The following CRYL1 variants were observed in gnomAD, a reference collection of about 807,000 sequenced individuals.
The protein encoded by CRYL1 is crystallin lambda 1.
In CRYL1, 29 loss-of-function variants were observed where a neutral mutation model predicts 36.6. That is an observed-to-expected ratio of 0.79 (90% confidence interval 0.59 to 1.08). The LOEUF is 1.08. Among genes scored for constraint, CRYL1 ranks in the 50% least tolerant of loss-of-function variants. The pLI, the probability that CRYL1 is intolerant of heterozygous loss-of-function variation, is 0.00. For missense variants in CRYL1, 411 were observed against 407.9 expected (o/e 1.01, Z -0.06); for synonymous variants, 152 against 151.5 (o/e 1.00, Z -0.02).
intron 3 of CRYL1, among the ~76,000 whole-genome samples, chr13:20,479,769 G>T (rs2033238808): frequency 6.6e-6 from 1 of 152,148 alleles, no homozygotes; most frequent in Admixed American, 6.5e-5. Flanking sequence ...AATATTTATA[G>T]ATAATATTTT....
At position 20,460,372 on chromosome 13, in the gene CRYL1, T is replaced by C. The variant is rs1214946099; in HGVS notation, c.277-20618A>G. Among the ~76,000 whole-genome samples the C allele has an allele frequency of 2.6e-5, 4 of 152,318 alleles. No homozygotes were observed. The East Asian group carries it at 5.8e-4, about 22-fold the overall frequency. ...CGATAGTTTATTTTTCAATTACTAA[T>C]TGCCAAATTATTCTCTTAAAGTTGG... is the stretch of plus-strand genomic sequence containing the variant. On this transcript the variant is annotated intron_variant, in intron 3 of 7. Coordinates refer to ENST00000298248, the MANE Select transcript of CRYL1 (RefSeq NM_015974.3).
intron 3 of CRYL1, among the ~76,000 whole-genome samples, chr13:20,442,001 AAG>A (rs2032360503): frequency 6.6e-6 from 1 of 152,358 alleles, no homozygotes; most frequent in Non-Finnish European, 1.5e-5. Context: ...AAAGGGGAAA[AAG>A]AGCTACAGTA....
chr13:20,465,323 T>C (rs145268307), intron 3 of CRYL1, among the ~76,000 whole-genome samples: 2,418 of 152,230 alleles, frequency 0.016, 29 homozygotes, highest in Non-Finnish European at 0.026. Context: ...CCCTGCTGAG[T>C]GACTCTGGGC....
intron 3 of CRYL1, among the ~76,000 whole-genome samples, chr13:20,477,280 A>G (rs1185084406): frequency 1.3e-5 from 2 of 152,190 alleles, no homozygotes; most frequent in African/African-American, 4.8e-5. Context: ...GTGAGCTATG[A>G]TCACACAGCT....
chr13:20,454,787 G>A (rs915561805), intron 3 of CRYL1, among the ~76,000 whole-genome samples: 5 of 151,948 alleles, frequency 3.3e-5, no homozygotes, highest in African/African-American at 1.2e-4. Flanking sequence ...CATGATGAAA[G>A]GTAGCTATTA....
At chr13:20,522,551 T>C (rs9579883) in intron 1 of CRYL1, among the ~76,000 whole-genome samples, 29,188 of 151,734 alleles carry the variant, frequency 0.19, 2,958 homozygotes, top group East Asian at 0.38. Flanking sequence ...CGCTCAACTA[T>C]CTGTCTATTG....
In CRYL1 at chr13:20,415,879, C is replaced by T. The variant is rs553670028; in HGVS notation, c.634-2492G>A. 6.6e-6 allele frequency among the ~76,000 whole-genome samples: 1 copy of T among 152,224 alleles called. No individual in the cohort carries two copies. Among genetic ancestry groups the T allele is most frequent in the African/African-American group, 2.4e-5 (1 of 41,470 alleles). On this transcript the variant is annotated intron_variant, in intron 5 of 7. Transcript: ENST00000298248. The surrounding 1 kb of genome is among the most constrained non-coding windows in gnomAD (Gnocchi z 4.1). ...TCTTTCGTGACTTGTCTCTCACCAT[C>T]CTGTTTCTCAGATTCACCTGCGTCA...
Position 20,509,248 on chromosome 13 carries a change from G to GTTTTT in CRYL1, c.149+3190_149+3194dup, listed in dbSNP as rs1462161548. Reference sequence around the variant, plus strand: ...TCTGAAAACATCTTTTTGCCTCATAGTTTTTTGTTTTGTTTTGTTTTGTTT... The same window carrying GTTTTT: ...TCTGAAAACATCTTTTTGCCTCATAGTTTTTTTTTTTGTTTTGTTTTGTTTTGTTT... On this transcript the variant is annotated intron_variant, in intron 2 of 7. Transcript: ENST00000298248. 5.1e-3 allele frequency among the ~76,000 whole-genome samples: 133 copies of GTTTTT among 25,932 alleles called. 7 individuals are homozygous for GTTTTT. In the East Asian group the frequency reaches 0.14, roughly 27 times the overall value. The allele number at this position is 25,932 out of a possible 152,430, so 17.0% of individuals were successfully genotyped here. A position where few individuals can be genotyped will look rare whatever the true frequency, so the allele number is the denominator to read the frequency against.
At chr13:20,411,917 G>A (rs2031533242) in intron 6 of CRYL1, among the ~76,000 whole-genome samples, 1 of 152,192 alleles carries the variant, frequency 6.6e-6, no homozygotes, top group Non-Finnish European at 1.5e-5. Flanking sequence ...AACATGTCTA[G>A]TAAAGCTTCC....
In CRYL1 at chr13:20,512,350, C is replaced by A; in HGVS notation, c.149+93G>T. ...GCCATCAGACGAAAATGTGACATCA[C>A]AGATCCTCATAGCCTTGAGGATATG... On this transcript the variant is annotated intron_variant, in intron 2 of 7. Coordinates refer to ENST00000298248, the MANE Select transcript of CRYL1 (RefSeq NM_015974.3). 4.5e-6 allele frequency: 4 copies of A among 892,240 alleles called. No homozygotes were observed. The South Asian group carries it at 6.1e-5, about 14-fold the overall frequency. The allele number at this position is 892,240 out of a possible 1,614,324, so 55.3% of individuals were successfully genotyped here.
At chr13:20,452,731 G>A (rs888680406) in intron 3 of CRYL1, among the ~76,000 whole-genome samples, 2 of 152,112 alleles carry the variant, frequency 1.3e-5, no homozygotes, top group African/African-American at 4.8e-5. Flanking sequence ...TGTCAATGTA[G>A]GTTCATCAAC....
At chr13:20,405,670 C>A (rs2031351079) in intron 6 of CRYL1, among the ~76,000 whole-genome samples, 1 of 152,180 alleles carries the variant, frequency 6.6e-6, no homozygotes, top group Non-Finnish European at 1.5e-5. Context: ...ACGCTCCCCA[C>A]GCTCCTGCTG....
intron 3 of CRYL1, among the ~76,000 whole-genome samples, chr13:20,466,215 C>T (rs756830491): frequency 7.2e-5 from 11 of 152,296 alleles, no homozygotes; most frequent in Non-Finnish European, 1.3e-4. Context: ...GGCATGGCCT[C>T]GCAGCCTTCC....
chr13:20,427,750 A>AG (rs1350130124), intron 5 of CRYL1, among the ~76,000 whole-genome samples: 1 of 151,826 alleles, frequency 6.6e-6, no homozygotes, highest in Admixed American at 6.6e-5. Flanking sequence ...AAAAAAAAAA[A>AG]AATCAATAAA....
Position 20,432,162 on chromosome 13 carries a change from G to C in CRYL1, c.573C>G (p.Ala191=). ...QCPMRVQKEV[A]GFVLNRLQYA... is the part of the protein sequence containing the mutation. Reference sequence around the variant, plus strand: ...ATTGCAGGCGGTTCAGAACGAAGCCGGCCACCTCCTTCTGGACTCGCATGG... The same window carrying C: ...ATTGCAGGCGGTTCAGAACGAAGCCCGCCACCTCCTTCTGGACTCGCATGG... The change falls in exon 5 of 8, where the codon GCC becomes GCG. Residue 191 remains alanine, a synonymous_variant. Coordinates refer to ENST00000298248, the MANE Select transcript of CRYL1 (RefSeq NM_015974.3). The C allele has an allele frequency of 6.2e-7, 1 of 1,614,084 alleles. No individual in the cohort carries two copies. The highest frequency in any genetic ancestry group is 8.5e-7 in the Non-Finnish European group (1 of 1,180,008).
intron 1 of CRYL1, among the ~76,000 whole-genome samples, chr13:20,521,642 A>G (rs564018364): frequency 5.3e-5 from 8 of 152,288 alleles, no homozygotes; most frequent in Non-Finnish European, 1.2e-4. Flanking sequence ...TGAATTCATG[A>G]ATCTTAATGG....
At chr13:20,455,769 G>A (rs989850386) in intron 3 of CRYL1, among the ~76,000 whole-genome samples, 17 of 152,210 alleles carry the variant, frequency 1.1e-4, no homozygotes, top group Admixed American at 9.8e-4. Context: ...GGAAGGCAAA[G>A]GAGTCAGAAT....
At chr13:20,438,348 C>T (rs12431096) in intron 4 of CRYL1, among the ~76,000 whole-genome samples, 36,553 of 152,052 alleles carry the variant, frequency 0.24, 4,679 homozygotes, top group East Asian at 0.4. Context: ...TGCCCAAGTC[C>T]TGTGACATCA....
Position 20,435,377 on chromosome 13 carries a change from C to T in CRYL1, c.439-3081G>A, listed in dbSNP as rs1255757084. Among the ~76,000 whole-genome samples the T allele has an allele frequency of 1.3e-5, 2 of 152,062 alleles. No homozygotes were observed. The highest frequency in any genetic ancestry group is 2.9e-5 in the Non-Finnish European group (2 of 68,010). On this transcript the variant is annotated intron_variant, in intron 4 of 7. Transcript: ENST00000298248. This position sits in a 1 kb window ranked among gnomAD's most constrained non-coding sequence, Gnocchi z 4.0. ...GCCAGCGACTGGGCCCCACGCAGCC[C>T]CCCAAAACAGACTTCCATTCACACC...
Sources: allele counts gnomAD v4.1 joint callset (sites outside exome capture counted in the v4.1 genomes callset), GRCh38; gene constraint gnomAD v4.1.1; non-coding constraint Gnocchi (gnomAD v3.1); transcripts MANE v1.5; gene names NCBI Gene and HGNC (gene_info 2026-07-23, HGNC 2026-07-21).